Variants in CPLANE1 observed in about 807,000 individuals in gnomAD.
CPLANE1 encodes ciliogenesis and planar polarity effector complex subunit 1.
A neutral mutation model predicts 362.5 loss-of-function variants in CPLANE1; 263 were observed. That is an observed-to-expected ratio of 0.73 (90% CI 0.66 to 0.80). CPLANE1 has a LOEUF of 0.80. CPLANE1 is among the 30% of genes least tolerant of loss of function. The pLI, the probability that CPLANE1 is intolerant of heterozygous loss-of-function variation, is 0.00. For missense variants in CPLANE1, 3,461 were observed against 3,793.4 expected, an observed-to-expected ratio of 0.91 and a Z score of 2.30; for synonymous variants, 1,212 against 1,302.6, an observed-to-expected ratio of 0.93 and a Z score of 1.50.
Position 37,244,570 on chromosome 5 carries a change from A to G in CPLANE1, c.375T>C (p.Asn125=). The G allele has an allele frequency of 6.4e-7, 1 of 1,551,502 alleles. No homozygotes were observed. The highest frequency in any genetic ancestry group is 8.7e-7 in the Non-Finnish European group (1 of 1,146,902). The stretch of plus-strand genomic sequence containing the variant: ...GTGTTATGAGCACAATTCTTTTCCC[A>G]TTTCCAGATACATACAAGTACAGTC... ...SLRLYLYVSG[N]GKRIVLITPS... The change falls in exon 5 of 53, where the codon AAT becomes AAC. Residue 125 remains asparagine (N), a synonymous_variant. Coordinates refer to ENST00000651892, the MANE Select transcript of CPLANE1 (RefSeq NM_001384732.1).
At chr5:37,163,445 A>G (rs1000108096) in intron 37 of CPLANE1, among the ~76,000 whole-genome samples, 2 of 152,190 alleles carry the variant, frequency 1.3e-5, no homozygotes, top group South Asian at 2.1e-4. Flanking sequence ...TAATTTCTAC[A>G]CAAGTGGAAA....
At position 37,180,066 on chromosome 5, in the gene CPLANE1, T is replaced by C. The variant is rs757676741; in HGVS notation, c.5688A>G (p.Val1896=). Residue 1896 remains valine, a synonymous_variant, in exon 28 of 53, where the codon GTA becomes GTG. Coordinates refer to ENST00000651892, the MANE Select transcript of CPLANE1 (RefSeq NM_001384732.1). ...CCATTTCCTCTTCTGTAAATGCTTC[T>C]ACTTCTAAAAGATTCTCATCAATAT... ...FIDIDENLLE[V]EAFTEEEMDM... is the part of the protein sequence containing the mutation. 2.5e-6 allele frequency: 4 copies of C among 1,574,510 alleles called. No individual in the cohort carries two copies. In the African/African-American group the frequency reaches 4.1e-5, roughly 16 times the overall value.
Position 37,226,845 on chromosome 5 carries a change from T to C in CPLANE1, c.1750A>G (p.Ile584Val). 3 of 1,551,034 alleles carry C rather than the reference T, an allele frequency of 1.9e-6. No individual in the cohort carries two copies. The highest frequency in any genetic ancestry group is 2.6e-6 in the Non-Finnish European group (3 of 1,146,828). The change falls in exon 12 of 53, where the codon ATT becomes GTT. Residue 584 changes from isoleucine (I) to valine (V), a missense_variant. Ile to Val is a conservative substitution (Grantham distance 29). Transcript: ENST00000651892. ...KSLLAAWTIG[I>V]SKTVTEKNLM... ...TTTTTTTCTGTCACAGTTTTTGAAA[T>C]TCCTATAGTCCACGCTGCAAGTAGA... is the stretch of plus-strand genomic sequence containing the variant.
chr5:37,242,218 G>A (rs1800709094), intron 6 of CPLANE1, among the ~76,000 whole-genome samples: 1 of 151,948 alleles, frequency 6.6e-6, no homozygotes, highest in Non-Finnish European at 1.5e-5. Flanking sequence ...GCCAGGCCTG[G>A]TGGCGGGCAC....
the CPLANE1 span, among the ~76,000 whole-genome samples, chr5:37,099,795 A>G: frequency 1.3e-5 from 2 of 151,906 alleles, no homozygotes; most frequent in Non-Finnish European, 2.9e-5. Flanking sequence ...CCACAACCTC[A>G]CCAGCACCTG....
chr5:37,134,081 G>A (rs1470235902), intron 46 of CPLANE1, among the ~76,000 whole-genome samples: 2 of 152,120 alleles, frequency 1.3e-5, no homozygotes, highest in Non-Finnish European at 2.9e-5. Context: ...TATTCATCAG[G>A]GATATTGGCC....
chr5:37,183,643 T>A lies in CPLANE1; in HGVS notation c.4538A>T (p.Lys1513Ile). ...TSIHKPTDKR[K>I]MCNQKENPTK... is the part of the protein sequence containing the mutation. The stretch of plus-strand genomic sequence containing the variant: ...AGGATTTTCTTTCTGATTACACATT[T>A]TCCTTTTATCAGTTGGCTTATGAAT... Residue 1513 changes from lysine to isoleucine, a missense_variant, in exon 26 of 53, where the codon AAA (lysine) becomes ATA (isoleucine). Around this residue, in one of 2 missense-constraint regions of CPLANE1, gnomAD observed 3,380 missense variants for 3,666.1 expected, o/e 0.92. Coordinates refer to ENST00000651892, the MANE Select transcript of CPLANE1 (RefSeq NM_001384732.1). 1 of 1,610,338 alleles carries A rather than the reference T, an allele frequency of 6.2e-7. No homozygotes were observed. Among genetic ancestry groups the A allele is most frequent in the Middle Eastern group, 1.7e-4 (1 of 6,010 alleles).
Position 37,243,724 on chromosome 5 carries a change from T to A in CPLANE1, c.571-605A>T, listed in dbSNP as rs996203885. Among the ~76,000 whole-genome samples the A allele has an allele frequency of 2.7e-5, 4 of 146,906 alleles. No individual in the cohort carries two copies. The East Asian group carries it at 7.8e-4, about 29-fold the overall frequency. ...ATAAAAATATAATATATAATATACA[T>A]GTATTATATATAATATATAATATGC... On this transcript the variant is annotated intron_variant, in intron 5 of 52. Coordinates refer to ENST00000651892, the MANE Select transcript of CPLANE1 (RefSeq NM_001384732.1).
chr5:37,214,536 C>T (rs994321387), intron 15 of CPLANE1, among the ~76,000 whole-genome samples: 14 of 152,194 alleles, frequency 9.2e-5, no homozygotes, highest in African/African-American at 3.4e-4. Flanking sequence ...GCACTGTTCA[C>T]AGTCAAGAGA....
At position 37,183,112 on chromosome 5, in the gene CPLANE1, T is replaced by A. The variant is rs751387885; in HGVS notation, c.5069A>T (p.Asp1690Val). The A allele has an allele frequency of 7.4e-6, 12 of 1,613,294 alleles. No individual in the cohort carries two copies. The highest frequency in any genetic ancestry group is 6.8e-6 in the Non-Finnish European group (8 of 1,179,758). Residue 1690 changes from aspartate (D) to valine (V), a missense_variant, in exon 26 of 53, where the codon GAT becomes GTT. Coordinates refer to ENST00000651892, the MANE Select transcript of CPLANE1 (RefSeq NM_001384732.1). Reference sequence around the variant, plus strand: ...GATTAGACATTTCTCTCTAGTGTCATCTTGTATTTTGTAAATTGACCTTTG... The same window carrying A: ...GATTAGACATTTCTCTCTAGTGTCAACTTGTATTTTGTAAATTGACCTTTG... ...LKQRSIYKIQ[D>V]DTREKCLIQR...
intron 17 of CPLANE1, among the ~76,000 whole-genome samples, chr5:37,205,806 C>T (rs1013239923): frequency 6.6e-6 from 1 of 152,108 alleles, no homozygotes; most frequent in African/African-American, 2.4e-5. Context: ...CTTGACCTCC[C>T]GCGCTCAAGT....
intron 21 of CPLANE1, among the ~76,000 whole-genome samples, chr5:37,188,099 T>C (rs1021328695): frequency 2.0e-5 from 3 of 152,210 alleles, no homozygotes; most frequent in Admixed American, 1.3e-4. Flanking sequence ...TAGTAAATAA[T>C]TTTTTATTAA....
Position 37,209,279 on chromosome 5 carries a change from G to T in CPLANE1, c.2921-2854C>A. On this transcript the variant is annotated intron_variant, in intron 16 of 52. Transcript: ENST00000651892. The surrounding 1 kb of genome is among the most constrained non-coding windows in gnomAD (Gnocchi z 4.6). Reference sequence around the variant, plus strand: ...CTCTGGAGGGCAGGGATTCCCCCTCGTCTTGGCCCTACAGCCCCAGCTGGG... The same window carrying T: ...CTCTGGAGGGCAGGGATTCCCCCTCTTCTTGGCCCTACAGCCCCAGCTGGG... 1 of 728,044 alleles carries T rather than the reference G, an allele frequency of 1.4e-6. No individual in the cohort carries two copies. Among genetic ancestry groups the T allele is most frequent in the Non-Finnish European group, 2.5e-6 (1 of 395,260 alleles). The allele number at this position is 728,044 out of a possible 1,614,324, so 45.1% of individuals were successfully genotyped here.
At chr5:37,219,187 G>A (rs867180142) in intron 15 of CPLANE1, among the ~76,000 whole-genome samples, 5 of 152,060 alleles carry the variant, frequency 3.3e-5, no homozygotes, top group Middle Eastern at 3.4e-3. Context: ...ATCAGCCTGC[G>A]CAATATACCA....
At chr5:37,115,693 G>A (rs1431531782) in intron 50 of CPLANE1, among the ~76,000 whole-genome samples, 1 of 150,940 alleles carries the variant, frequency 6.6e-6, no homozygotes, top group African/African-American at 2.4e-5. Context: ...ACCTCCCAGG[G>A]TCAAATGATT....
At chr5:37,148,356 G>A in intron 42 of CPLANE1, 88 bp from the exon 43 acceptor site, 1 of 891,172 alleles carries the variant, frequency 1.1e-6, no homozygotes. Context: ...TTAAACACTT[G>A]CATTAATGCA....
Position 37,198,724 on chromosome 5 carries a change from C to T in CPLANE1, c.3650G>A (p.Trp1217Ter). 3 of 1,613,490 alleles carry T rather than the reference C, an allele frequency of 1.9e-6. No homozygotes were observed. Among genetic ancestry groups the T allele is most frequent in the South Asian group, 1.1e-5 (1 of 90,980 alleles). ...VAQWYILQLR[W>*]ARKVMQKIRM... ...TACCTTCTGCATGACTTTTCTTGCC[C>T]ACCTCAACTGCAATATATACCACTG... Residue 1217 changes from tryptophan (W) to a stop codon, truncating the protein, a stop_gained, in exon 20 of 53, where the codon TGG becomes TAG. Transcript: ENST00000651892. LOFTEE classifies it high-confidence loss of function.
In CPLANE1 at chr5:37,187,504, T is replaced by C; in HGVS notation, c.3990A>G (p.Arg1330=). 1 of 1,613,786 alleles carries C rather than the reference T, an allele frequency of 6.2e-7. No homozygotes were observed. The highest frequency in any genetic ancestry group is 8.5e-7 in the Non-Finnish European group (1 of 1,179,756). The change falls in exon 23 of 53, where the codon AGA becomes AGG. Residue 1330 remains arginine, a synonymous_variant. Coordinates refer to ENST00000651892, the MANE Select transcript of CPLANE1 (RefSeq NM_001384732.1). ...HCLSAVEWAY[R]MLPFSRFFNM... Reference sequence around the variant, plus strand: ...TAAAAAACCGAGAGAAAGGCAGCATTCTATAAGCCCATTCCACTGCACTAA... The same window carrying C: ...TAAAAAACCGAGAGAAAGGCAGCATCCTATAAGCCCATTCCACTGCACTAA...
Position 37,107,661 on chromosome 5 carries a change from CTTCGATGGCA to C in CPLANE1, c.9687_9696del (p.Asn3229LysfsTer40). ...TGGTCCTCCACGCTGGCCACCATGTCTTCGATGGCATTCCAGTCCAGCTTGCTGAGGATGC... is the reference window on the plus strand; with the variant it reads ...TGGTCCTCCACGCTGGCCACCATGTCTTCCAGTCCAGCTTGCTGAGGATGC... On this transcript the variant is annotated frameshift_variant, in exon 53 of 53. Coordinates refer to ENST00000651892, the MANE Select transcript of CPLANE1 (RefSeq NM_001384732.1). LOFTEE classifies it high-confidence loss of function. 1 of 1,611,430 alleles carries C rather than the reference CTTCGATGGCA, an allele frequency of 6.2e-7. No individual in the cohort carries two copies.
Sources: gnomAD v4.1 joint callset for allele counts (sites outside exome capture counted in the v4.1 genomes callset) on GRCh38, gnomAD v4.1.1 for gene constraint, gnomAD v4.1.1 regional missense constraint, Gnocchi (gnomAD v3.1) non-coding constraint, MANE v1.5 for transcripts, NCBI Gene and HGNC (gene_info 2026-07-23, HGNC 2026-07-21) for gene names.